The following CRACDL variants were observed in gnomAD, a reference collection of about 807,000 sequenced individuals.
CRACDL encodes CRACD-like protein.
A neutral mutation model predicts 70.6 loss-of-function variants in CRACDL; 26 were observed. The ratio of observed to expected loss-of-function variants is 0.37; its 90% CI spans 0.27 to 0.51. CRACDL has a LOEUF of 0.51. CRACDL is among the 20% of genes least tolerant of loss of function. The pLI is 0.94. For synonymous variants in CRACDL, 618 were observed against 615.2 expected (o/e 1.00, Z -0.07); for missense variants, 1,283 against 1,376.9 (o/e 0.93, Z 1.08).
At chr2:98,813,335 G>A (rs768212351) in intron 7 of CRACDL, among the ~76,000 whole-genome samples, 2 of 152,188 alleles carry the variant, frequency 1.3e-5, no homozygotes, top group African/African-American at 2.4e-5. Context: ...GGGAGGCTGA[G>A]GCAGGAGAAT....
chr2:98,924,465 T>G (rs1408565484), intron 1 of CRACDL, among the ~76,000 whole-genome samples: 2 of 152,196 alleles, frequency 1.3e-5, no homozygotes, highest in Non-Finnish European at 2.9e-5. Context: ...CTTAAGTACC[T>G]AACAGTGCAT....
chr2:98,857,415 A>G (rs1706748204), intron 1 of CRACDL, among the ~76,000 whole-genome samples: 1 of 152,214 alleles, frequency 6.6e-6, no homozygotes, highest in Admixed American at 6.5e-5. Context: ...TAATAGTACA[A>G]CAAATAGAGC....
chr2:98,816,031 C>T (rs1704770169), intron 7 of CRACDL, among the ~76,000 whole-genome samples: 1 of 152,038 alleles, frequency 6.6e-6, no homozygotes. Context: ...AAGCTCTGTC[C>T]CATAGGGGCT....
rs933220411 is a variant in CRACDL, at chr2:98,925,574, G to C, written c.-11+10364C>G. ...CAGCACGCACAGGCAGAGGGGCAAA[G>C]GCATCAGGGTTCACCCAGAGGAACA... On this transcript the variant is annotated intron_variant, in intron 1 of 9. Transcript: ENST00000397899. 1.3e-5 allele frequency among the ~76,000 whole-genome samples: 2 copies of C among 152,148 alleles called. 1 individual carries two copies. Among genetic ancestry groups the C allele is most frequent in the African/African-American group, 4.8e-5 (2 of 41,424 alleles).
intron 7 of CRACDL, among the ~76,000 whole-genome samples, chr2:98,803,225 C>T (rs145884958): frequency 0.03 from 4,546 of 152,220 alleles, 89 homozygotes; most frequent in Middle Eastern, 0.065. Flanking sequence ...TGGTCTCGAT[C>T]TCTTGACCTC....
rs1707247416 is a variant in CRACDL, at chr2:98,869,024, C to T, written c.-10-22214G>A. ...CCACGCCCCGGGAGTCACGGCCTGG[C>T]CTCCCCTCCCTCGCGACTCTCCCCC... On this transcript the variant is annotated intron_variant, in intron 1 of 9. Coordinates refer to ENST00000397899, the MANE Select transcript of CRACDL (RefSeq NM_207362.3). 3 of 1,186,982 alleles carry T rather than the reference C, an allele frequency of 2.5e-6. No homozygotes were observed. In the South Asian group the frequency reaches 3.8e-5, roughly 15 times the overall value. 73.5% of individuals were successfully genotyped at this position (1,186,982 alleles called of 1,614,324 possible). A position where few individuals can be genotyped will look rare whatever the true frequency, so the allele number is the denominator to read the frequency against.
rs79926799 is a variant in CRACDL, at chr2:98,915,563, C to T, written c.-11+20375G>A. Reference sequence around the variant, plus strand: ...GAAAGTCACCTAGATCACAGAGGGACAGCCATCAGCTCTGCCAGGTGAAGG... The same window carrying T: ...GAAAGTCACCTAGATCACAGAGGGATAGCCATCAGCTCTGCCAGGTGAAGG... On this transcript the variant is annotated intron_variant, in intron 1 of 9. Coordinates refer to ENST00000397899, the MANE Select transcript of CRACDL (RefSeq NM_207362.3). Among the ~76,000 whole-genome samples the T allele has an allele frequency of 5.8e-4, 88 of 152,206 alleles. 3 individuals are homozygous for T. The East Asian group carries it at 0.017, about 29-fold the overall frequency.
intron 1 of CRACDL, among the ~76,000 whole-genome samples, chr2:98,877,642 G>C (rs953100731): frequency 1.1e-4 from 16 of 152,002 alleles, no homozygotes; most frequent in African/African-American, 3.9e-4. Context: ...CCAGCAACTC[G>C]GGAGGCTGAG....
At chr2:98,798,443 C>CAAAAAAAAAA (rs70940125) in intron 7 of CRACDL, among the ~76,000 whole-genome samples, 1 of 44,356 alleles carries the variant, frequency 2.3e-5, no homozygotes, top group South Asian at 1.4e-3. Flanking sequence ...GACTCCGTCT[C>CAAAAAAAAAA]AAAAAAAAAA....
chr2:98,833,031 A>G, intron 3 of CRACDL, 34 bp from the exon 4 acceptor site: 1 of 1,580,934 alleles, frequency 6.3e-7, no homozygotes, highest in Non-Finnish European at 8.6e-7. Flanking sequence ...GACTCTGCCC[A>G]CCTCCATCTT....
chr2:98,877,329 C>T (rs546557831), intron 1 of CRACDL, among the ~76,000 whole-genome samples: 2 of 152,186 alleles, frequency 1.3e-5, no homozygotes, highest in South Asian at 2.1e-4. Context: ...TCATGCACCA[C>T]GTAACGGTGT....
chr2:98,883,951 G>A (rs1707724568), intron 1 of CRACDL, among the ~76,000 whole-genome samples: 1 of 152,220 alleles, frequency 6.6e-6, no homozygotes, highest in African/African-American at 2.4e-5. Context: ...CCTCCAGACA[G>A]ACCTGCTCTG....
At chr2:98,919,288 T>A (rs1318293790) in intron 1 of CRACDL, among the ~76,000 whole-genome samples, 1 of 152,224 alleles carries the variant, frequency 6.6e-6, no homozygotes, top group Non-Finnish European at 1.5e-5. Context: ...TCTTTTTGCT[T>A]AAGACTGCCT....
intron 1 of CRACDL, among the ~76,000 whole-genome samples, chr2:98,863,293 C>T (rs1390881865): frequency 6.6e-6 from 1 of 152,170 alleles, no homozygotes. Context: ...AGTCCTATAA[C>T]TGGCAAAAGT....
chr2:98,794,986 A>G (rs1575310364), intron 9 of CRACDL, among the ~76,000 whole-genome samples: 1 of 148,846 alleles, frequency 6.7e-6, no homozygotes, highest in East Asian at 2.0e-4. Flanking sequence ...TGAACTGTGC[A>G]CTTAAAAATG....
chr2:98,826,613 C>G (rs142381434), intron 6 of CRACDL, among the ~76,000 whole-genome samples: 3 of 152,060 alleles, frequency 2.0e-5, no homozygotes, highest in Non-Finnish European at 4.4e-5. Flanking sequence ...GTGGCCAGAA[C>G]GCTGAGTGAG....
At chr2:98,798,964 G>A (rs112072701) in intron 7 of CRACDL, among the ~76,000 whole-genome samples, 3,382 of 152,236 alleles carry the variant, frequency 0.022, 138 homozygotes, top group African/African-American at 0.077. Context: ...AATTACAGGC[G>A]TGAGCCACCT....
rs759470403 is a variant in CRACDL, at chr2:98,823,357, G to T, written c.916C>A (p.Arg306Ser). Residue 306 changes from arginine (R) to serine (S), a missense_variant, in exon 7 of 10, where the codon CGT becomes AGT. Arg to Ser is a moderately radical substitution (Grantham distance 110). Around this residue, in one of 2 missense-constraint regions of CRACDL, gnomAD observed 362 missense variants for 495.0 expected, o/e 0.73. Coordinates refer to ENST00000397899, the MANE Select transcript of CRACDL (RefSeq NM_207362.3). This position sits in a 1 kb window ranked among gnomAD's most constrained non-coding sequence, Gnocchi z 4.0. ...PAPLPPPGGARARRARLQHSS... is the reference protein window; with the variant it reads ...PAPLPPPGGASARRARLQHSS... ...TGCTGCAGGCGGGCGCGTCTGGCAC[G>T]GGCCCCTCCGGGTGGCGGCAAGGGC... 6 of 1,520,578 alleles carry T rather than the reference G, an allele frequency of 3.9e-6. No homozygotes were observed. Among genetic ancestry groups the T allele is most frequent in the African/African-American group, 2.8e-5 (2 of 72,066 alleles). The allele number at this position is 1,520,578 out of a possible 1,614,324, so 94.2% of individuals were successfully genotyped here.
intron 5 of CRACDL, among the ~76,000 whole-genome samples, chr2:98,830,642 T>C (rs749252457): frequency 1.3e-5 from 2 of 152,212 alleles, no homozygotes; most frequent in Non-Finnish European, 2.9e-5. Context: ...TGGTAGATTG[T>C]CCATATTACC....
Sources: allele counts gnomAD v4.1 joint callset (sites outside exome capture counted in the v4.1 genomes callset), GRCh38; gene constraint gnomAD v4.1.1; regional missense constraint gnomAD v4.1.1; non-coding constraint Gnocchi (gnomAD v3.1); transcripts MANE v1.5; gene names NCBI Gene and HGNC (gene_info 2026-07-23, HGNC 2026-07-21).